SPAG16: variants seen among roughly 807,000 people sequenced by gnomAD.
The protein encoded by SPAG16 is sperm-associated antigen 16 protein.
Under a neutral mutation model 80.4 loss-of-function variants are expected in SPAG16, and 86 were observed. The observed-to-expected ratio is 1.07, with a 90% CI of 0.90 to 1.28. The LOEUF (loss-of-function observed/expected upper bound fraction) is 1.28. Among genes scored for constraint, SPAG16 ranks in the 50% most tolerant of loss-of-function variants. SPAG16 has a pLI of 0.00. For missense variants in SPAG16, 870 were observed against 765.3 expected, an observed-to-expected ratio of 1.14 and a Z score of -1.61; for synonymous variants, 294 against 265.9, an observed-to-expected ratio of 1.11 and a Z score of -1.03.
chr2:213,710,408 G>C (rs539861004), intron 10 of SPAG16, among the ~76,000 whole-genome samples: 1 of 152,130 alleles, frequency 6.6e-6, no homozygotes, highest in Non-Finnish European at 1.5e-5. Flanking sequence ...CTAAGCGTAA[G>C]GTATCTTAAG....
intron 12 of SPAG16, among the ~76,000 whole-genome samples, chr2:213,944,171 T>A (rs2079340470): frequency 6.6e-6 from 1 of 152,136 alleles, no homozygotes; most frequent in African/African-American, 2.4e-5. Context: ...TATTCTTGGT[T>A]CCAATAGGCC....
intron 15 of SPAG16, among the ~76,000 whole-genome samples, chr2:214,342,355 G>A (rs1020408561): frequency 9.9e-5 from 15 of 152,160 alleles, no homozygotes; most frequent in Admixed American, 8.5e-4. Context: ...TGTATTTACA[G>A]CTACTCCTGT....
At chr2:213,814,996 G>A (rs2072429699) in intron 10 of SPAG16, among the ~76,000 whole-genome samples, 1 of 151,806 alleles carries the variant, frequency 6.6e-6, no homozygotes, top group Admixed American at 6.6e-5. Context: ...CCAATAATCA[G>A]CAGAATATAT....
chr2:213,930,328 A>G (rs2078696127), intron 12 of SPAG16, among the ~76,000 whole-genome samples, 183 bp downstream of exon 12: 1 of 152,148 alleles, frequency 6.6e-6, no homozygotes. Flanking sequence ...TAACTCCATT[A>G]ATCTTTGTTG....
intron 12 of SPAG16, among the ~76,000 whole-genome samples, chr2:213,968,254 A>T (rs1575677813): frequency 6.6e-6 from 1 of 151,774 alleles, no homozygotes. Flanking sequence ...ATCTCACTGC[A>T]ATCTCCGCCT....
chr2:213,632,842 C>A (rs777647421), intron 10 of SPAG16, among the ~76,000 whole-genome samples: 2 of 152,124 alleles, frequency 1.3e-5, no homozygotes, highest in Admixed American at 1.3e-4. Flanking sequence ...GATGAATAAT[C>A]TTCTTAATGT....
At chr2:213,689,090 G>T (rs1054157165) in intron 10 of SPAG16, among the ~76,000 whole-genome samples, 2 of 152,198 alleles carry the variant, frequency 1.3e-5, no homozygotes, top group African/African-American at 4.8e-5. Context: ...CTCCTGAGCA[G>T]CTGGGATCAC....
At position 213,976,129 on chromosome 2, in the gene SPAG16, T is replaced by C. The variant is rs1490779439; in HGVS notation, c.1401-37822T>C. Among the ~76,000 whole-genome samples, 883 of 104,660 alleles carry C rather than the reference T, an allele frequency of 8.4e-3. 14 individuals carry two copies. The highest frequency in any genetic ancestry group is 0.033 in the African/African-American group (845 of 25,946). The allele number at this position is 104,660 out of a possible 152,430, so 68.7% of individuals were successfully genotyped here. A position where few individuals can be genotyped will look rare whatever the true frequency, so the allele number is the denominator to read the frequency against. On this transcript the variant is annotated intron_variant, in intron 12 of 15. Coordinates refer to ENST00000331683, the MANE Select transcript of SPAG16 (RefSeq NM_024532.5). ...AGGGAGATATATATATATATATATA[T>C]ATATATACACACACACACACACACA...
intron 10 of SPAG16, among the ~76,000 whole-genome samples, chr2:213,540,252 G>A (rs888069228): frequency 2.1e-4 from 32 of 151,736 alleles, no homozygotes; most frequent in African/African-American, 7.7e-4. Context: ...GGGTTTCACT[G>A]TGTTAGCCAG....
chr2:213,688,794 C>T (rs1174903530), intron 10 of SPAG16, among the ~76,000 whole-genome samples: 1 of 151,822 alleles, frequency 6.6e-6, no homozygotes, highest in Non-Finnish European at 1.5e-5. Flanking sequence ...TAATTTTTCT[C>T]CTGCAATCTC....
chr2:214,183,017 C>T (rs866291867), intron 15 of SPAG16, among the ~76,000 whole-genome samples: 25 of 151,944 alleles, frequency 1.6e-4, no homozygotes, highest in African/African-American at 6.0e-4. Context: ...TTAGAGGAAT[C>T]AATGACTCTA....
chr2:213,377,242 T>C (rs2066920767), intron 9 of SPAG16, among the ~76,000 whole-genome samples: 1 of 152,222 alleles, frequency 6.6e-6, no homozygotes, highest in Non-Finnish European at 1.5e-5. Context: ...TGTTATTTTG[T>C]TGGGAAGTAA....
rs527794750 is a variant in SPAG16, at chr2:214,259,639, G to A, written c.1720+110373G>A. On this transcript the variant is annotated intron_variant, in intron 15 of 15. Coordinates refer to ENST00000331683, the MANE Select transcript of SPAG16 (RefSeq NM_024532.5). ...TCTCCACCTGCCTATTTGATTTTTG[G>A]TTGGTTTGGTTGGTGTTTATTTTGT... Among the ~76,000 whole-genome samples the A allele has an allele frequency of 6.2e-4, 93 of 151,166 alleles. 1 individual carries two copies. In the Middle Eastern group the frequency reaches 0.017, roughly 28 times the overall value.
chr2:214,030,197 A>T (rs2048340635), intron 13 of SPAG16, among the ~76,000 whole-genome samples: 1 of 152,146 alleles, frequency 6.6e-6, no homozygotes. Flanking sequence ...TGACTATTTT[A>T]GATACCTCAT....
At chr2:214,249,721 AT>A (rs1690110942) in intron 15 of SPAG16, among the ~76,000 whole-genome samples, 1 of 146,766 alleles carries the variant, frequency 6.8e-6, no homozygotes, top group South Asian at 2.2e-4. Context: ...ATATAACAGT[AT>A]TTCTAGTAGT....
chr2:213,462,766 T>A (rs1420563202), intron 9 of SPAG16, among the ~76,000 whole-genome samples: 1 of 152,230 alleles, frequency 6.6e-6, no homozygotes, highest in East Asian at 1.9e-4. Context: ...GTGAGTCAAT[T>A]AAACCTCTTT....
chr2:213,698,095 G>T (rs1355705938), intron 10 of SPAG16, among the ~76,000 whole-genome samples: 1 of 151,876 alleles, frequency 6.6e-6, no homozygotes, highest in African/African-American at 2.4e-5. Flanking sequence ...TTGTTAATCA[G>T]TTGATTTCCC....
At chr2:213,954,461 T>G (rs6742411) in intron 12 of SPAG16, among the ~76,000 whole-genome samples, 18,015 of 152,074 alleles carry the variant, frequency 0.12, 1,598 homozygotes, top group African/African-American at 0.25. Flanking sequence ...AATTATGAAA[T>G]ATTTATGTAC....
chr2:213,868,323 C>A (rs192991807), intron 11 of SPAG16, among the ~76,000 whole-genome samples: 5 of 143,236 alleles, frequency 3.5e-5, no homozygotes, highest in Non-Finnish European at 7.7e-5. Flanking sequence ...CAACAGAATT[C>A]CATTTTAAAA....
Sources: allele counts gnomAD v4.1 joint callset (sites outside exome capture counted in the v4.1 genomes callset), GRCh38; gene constraint gnomAD v4.1.1; transcripts MANE v1.5; gene names NCBI Gene and HGNC (gene_info 2026-07-23, HGNC 2026-07-21).